Variants in AP4E1 observed in about 807,000 individuals in gnomAD.
AP4E1 encodes the protein adaptor related protein complex 4 subunit epsilon 1.
AP4E1 carries 56 observed loss-of-function variants against 128.2 expected under a neutral mutation model. That is an observed-to-expected ratio of 0.44 (90% confidence interval 0.35 to 0.55). The LOEUF (loss-of-function observed/expected upper bound fraction) is 0.55. Among genes scored for constraint, AP4E1 ranks in the 20% least tolerant of loss-of-function variants. The probability of loss-of-function intolerance (pLI) is 0.00; values close to 1 mark genes in which losing one functional copy is unlikely to be tolerated. For synonymous variants in AP4E1, 484 were observed against 473.1 expected (o/e 1.02, Z -0.30); for missense variants, 1,324 against 1,307.7 (o/e 1.01, Z -0.19).
chr15:50,984,297 C>A (rs1393147454), intron 16 of AP4E1, 152 bp downstream of exon 16: 2 of 982,270 alleles, frequency 2.0e-6, no homozygotes, highest in African/African-American at 1.7e-5. Context: ...CAGTGGTTTT[C>A]ACATAATTTT....
chr15:50,945,097 A>G (rs2064040007), intron 10 of AP4E1: 1 of 785,800 alleles, frequency 1.3e-6, no homozygotes, highest in Admixed American at 1.7e-5. Flanking sequence ...TATGGAGATG[A>G]GGAAGAACCA....
At chr15:50,943,859 C>T (rs1032118199) in intron 10 of AP4E1, among the ~76,000 whole-genome samples, 2 of 152,042 alleles carry the variant, frequency 1.3e-5, no homozygotes, top group South Asian at 2.1e-4. Flanking sequence ...TAGGATGGTG[C>T]AAGATTTTAT....
chr15:50,935,686 T>G (rs1363028522), intron 8 of AP4E1, among the ~76,000 whole-genome samples: 1 of 152,196 alleles, frequency 6.6e-6, no homozygotes, highest in Admixed American at 6.5e-5. Flanking sequence ...GAGCATTACT[T>G]TTTCTTTGAG....
chr15:50,992,734 T>A (rs1352981815), intron 16 of AP4E1, among the ~76,000 whole-genome samples: 1 of 152,222 alleles, frequency 6.6e-6, no homozygotes, highest in Non-Finnish European at 1.5e-5. Context: ...TAAAACTTCA[T>A]TGCATTTTGA....
chr15:50,993,378 G>C lies in AP4E1; in HGVS notation c.2099G>C (p.Ser700Thr). The C allele has an allele frequency of 6.2e-7, 1 of 1,613,884 alleles. No homozygotes were observed. The highest frequency in any genetic ancestry group is 8.5e-7 in the Non-Finnish European group (1 of 1,179,912). The change falls in exon 17 of 21, where the codon AGC becomes ACC. Residue 700 changes from serine to threonine, a missense_variant. Coordinates refer to ENST00000261842, the MANE Select transcript of AP4E1 (RefSeq NM_007347.5). ...ATTATCAACCTCCTTAGGACAAATA[G>C]CTTGAAGCTGGAAGGTATAAAGAAA... ...SAETGLKETN[S>T]LKLEGIKKLW... is the part of the protein sequence containing the mutation.
Position 50,968,392 on chromosome 15 carries a change from A to T in AP4E1, c.1966+15A>T, listed in dbSNP as rs1232501157. The T allele has an allele frequency of 6.4e-7, 1 of 1,567,728 alleles. No homozygotes were observed. Among genetic ancestry groups the T allele is most frequent in the South Asian group, 1.1e-5 (1 of 88,964 alleles). The stretch of plus-strand genomic sequence containing the variant: ...TCAGGAAAAAGGTAATTTTTCATGG[A>T]TTTATGATAAGCTAGAGTGTAGGGA... On this transcript the variant is annotated intron_variant, in intron 15 of 20. Coordinates refer to ENST00000261842, the MANE Select transcript of AP4E1 (RefSeq NM_007347.5).
chr15:50,957,138 A>G (rs1449637358), intron 13 of AP4E1, among the ~76,000 whole-genome samples: 3 of 151,890 alleles, frequency 2.0e-5, no homozygotes, highest in Non-Finnish European at 4.4e-5. Context: ...ATCTGCACTC[A>G]CTCCTGAGCT....
intron 14 of AP4E1, among the ~76,000 whole-genome samples, chr15:50,962,410 C>A (rs976556493): frequency 6.6e-6 from 1 of 151,952 alleles, no homozygotes; most frequent in Non-Finnish European, 1.5e-5. Context: ...TAAAGAAAGA[C>A]ATACACACCA....
At position 50,950,242 on chromosome 15, in the gene AP4E1, C is replaced by T. The variant is rs911648932; in HGVS notation, c.1548+73C>T. 5.4e-6 allele frequency: 6 copies of T among 1,100,948 alleles called. No individual in the cohort carries two copies. In the African/African-American group the frequency reaches 7.9e-5, roughly 14 times the overall value. The allele number at this position is 1,100,948 out of a possible 1,614,324, so 68.2% of individuals were successfully genotyped here. A position where few individuals can be genotyped will look rare whatever the true frequency, so the allele number is the denominator to read the frequency against. Reference sequence around the variant, plus strand: ...AAACCAAATGTTAACATATTTTCTTCAGAAACCATTCGCTTTACTCAGCTA... The same window carrying T: ...AAACCAAATGTTAACATATTTTCTTTAGAAACCATTCGCTTTACTCAGCTA... On this transcript the variant is annotated intron_variant, in intron 13 of 20. Coordinates refer to ENST00000261842, the MANE Select transcript of AP4E1 (RefSeq NM_007347.5).
At chr15:50,927,735 A>G (rs2063786131) in intron 5 of AP4E1, among the ~76,000 whole-genome samples, 1 of 151,198 alleles carries the variant, frequency 6.6e-6, no homozygotes, top group African/African-American at 2.4e-5. Flanking sequence ...AGAGTTGTTT[A>G]TTAATGGAAT....
chr15:50,913,997 T>C (rs973576373), intron 2 of AP4E1, among the ~76,000 whole-genome samples: 6 of 152,136 alleles, frequency 3.9e-5, no homozygotes, highest in Admixed American at 2.6e-4. Context: ...TTTGTATTTT[T>C]TTAATAGAGA....
chr15:50,934,962 C>G (rs758732796), intron 8 of AP4E1, among the ~76,000 whole-genome samples: 32 of 151,802 alleles, frequency 2.1e-4, no homozygotes, highest in Admixed American at 3.9e-4. Context: ...CTATTTTTTT[C>G]AAGTATCTAA....
intron 20 of AP4E1, 110 bp from the exon 21 acceptor site, chr15:51,002,392 G>T: frequency 8.8e-7 from 1 of 1,140,730 alleles, no homozygotes; most frequent in South Asian, 1.3e-5. Context: ...AGTGGTTAGT[G>T]ATATTGAGTA....
At chr15:50,919,571 TAA>T (rs2063670374) in intron 3 of AP4E1, among the ~76,000 whole-genome samples, 1 of 149,554 alleles carries the variant, frequency 6.7e-6, no homozygotes, top group African/African-American at 2.5e-5. Context: ...AATAAATAAA[TAA>T]ATAAGTAAAT....
At chr15:50,946,570 A>C (rs1190755685) in intron 10 of AP4E1, among the ~76,000 whole-genome samples, 1 of 152,200 alleles carries the variant, frequency 6.6e-6, no homozygotes, top group Non-Finnish European at 1.5e-5. Context: ...GTTGAAAAAA[A>C]AAATCTTTCA....
At chr15:50,908,354 A>C (rs2063519469), upstream of AP4E1, among the ~76,000 whole-genome samples, 1 of 151,786 alleles carries the variant, frequency 6.6e-6, no homozygotes. Flanking sequence ...CGGCGCGGGG[A>C]CGTCCCGAAA....
At chr15:50,972,119 A>G (rs544884018) in intron 15 of AP4E1, among the ~76,000 whole-genome samples, 1 of 152,326 alleles carries the variant, frequency 6.6e-6, no homozygotes, top group Admixed American at 6.5e-5. Context: ...ACTTATTTGT[A>G]TAAATGGGTC....
chr15:50,930,410 CAG>C (rs1171411814), intron 6 of AP4E1, among the ~76,000 whole-genome samples: 5 of 149,592 alleles, frequency 3.3e-5, no homozygotes, highest in African/African-American at 1.2e-4. Context: ...CTTTTGGAAA[CAG>C]AGTTCAGAGA....
intron 16 of AP4E1, among the ~76,000 whole-genome samples, chr15:50,990,988 G>A (rs774397651): frequency 3.9e-5 from 6 of 152,192 alleles, no homozygotes; most frequent in Non-Finnish European, 8.8e-5. Flanking sequence ...ATGCATTGCC[G>A]GTGACAACCT....
Sources: gnomAD v4.1 joint callset for allele counts (sites outside exome capture counted in the v4.1 genomes callset) on GRCh38, gnomAD v4.1.1 for gene constraint, MANE v1.5 for transcripts, NCBI Gene and HGNC (gene_info 2026-07-23, HGNC 2026-07-21) for gene names.